Variants in VAPA observed in about 807,000 individuals in gnomAD.
The protein encoded by VAPA is vesicle-associated membrane protein-associated protein A.
A neutral mutation model predicts 25.6 loss-of-function variants in VAPA; 6 were observed. The ratio of observed to expected loss-of-function variants is 0.23; its 90% CI spans 0.13 to 0.46. The LOEUF (loss-of-function observed/expected upper bound fraction) is 0.46, where lower values mean the gene tolerates loss of function less well. Ranked by LOEUF, VAPA falls within the 20% of genes least tolerant of loss-of-function variation. The probability of loss-of-function intolerance (pLI) is 0.99; values close to 1 mark genes in which losing one functional copy is unlikely to be tolerated. For missense variants in VAPA, 244 were observed against 302.1 expected (o/e 0.81, Z 1.43); for synonymous variants, 112 against 106.2 (o/e 1.05, Z -0.34).
chr18:9,925,916 A>AC (rs1206677028), intron 1 of VAPA, among the ~76,000 whole-genome samples: 4 of 152,250 alleles, frequency 2.6e-5, no homozygotes, highest in South Asian at 4.1e-4. Flanking sequence ...GAAAATAAAT[A>AC]CCGTTTGGTT....
At chr18:9,954,004 T>C (rs1375871731) in intron 5 of VAPA, 49 bp from the exon 6 acceptor site, 6 of 1,606,688 alleles carry the variant, frequency 3.7e-6, no homozygotes, top group Non-Finnish European at 5.1e-6. Flanking sequence ...AGTAGTCTCG[T>C]TAGTATGCTT....
chr18:9,922,071 G>T (rs968501679), intron 1 of VAPA, among the ~76,000 whole-genome samples: 3 of 152,054 alleles, frequency 2.0e-5, no homozygotes, highest in Admixed American at 2.0e-4. Context: ...TTGAACTCCA[G>T]GGCCCAAGCG....
intron 4 of VAPA, among the ~76,000 whole-genome samples, chr18:9,943,065 T>G (rs2069383015): frequency 6.6e-6 from 1 of 152,198 alleles, no homozygotes. Flanking sequence ...GTTGATTTCT[T>G]TAGACTTTTT....
intron 1 of VAPA, among the ~76,000 whole-genome samples, chr18:9,926,277 A>C (rs151243586): frequency 6.6e-6 from 1 of 152,300 alleles, no homozygotes; most frequent in East Asian, 1.9e-4. Context: ...ACTGGGAAAC[A>C]GTTTAATCAG....
intron 5 of VAPA, chr18:9,951,054 T>G (rs1045003113): frequency 1.3e-5 from 2 of 152,370 alleles, no homozygotes; most frequent in Non-Finnish European, 2.9e-5. Context: ...TTGGGTATAT[T>G]GGGTTGAATC....
chr18:9,938,080 G>A (rs185804228), intron 4 of VAPA, among the ~76,000 whole-genome samples: 1 of 152,244 alleles, frequency 6.6e-6, no homozygotes, highest in East Asian at 1.9e-4. Flanking sequence ...GCCTGTGTAT[G>A]CTTCCCATTT....
At chr18:9,937,131 CT>C in intron 4 of VAPA, 65 bp downstream of exon 4, 2 of 1,403,440 alleles carry the variant, frequency 1.4e-6, no homozygotes, top group African/African-American at 1.4e-5. Context: ...ATTAATTTTG[CT>C]TTTATTTTTG....
intron 4 of VAPA, among the ~76,000 whole-genome samples, chr18:9,944,209 C>T (rs2069397892): frequency 6.6e-6 from 1 of 151,930 alleles, no homozygotes; most frequent in Non-Finnish European, 1.5e-5. Context: ...GACTGAGGGG[C>T]TGTAAAGAAC....
chr18:9,938,851 T>G (rs1419571815), intron 4 of VAPA, among the ~76,000 whole-genome samples: 1 of 152,216 alleles, frequency 6.6e-6, no homozygotes, highest in African/African-American at 2.4e-5. Context: ...TGTGAACTTA[T>G]GAGCAGCTTT....
At chr18:9,927,299 T>C (rs138988033) in intron 1 of VAPA, among the ~76,000 whole-genome samples, 5 of 152,210 alleles carry the variant, frequency 3.3e-5, no homozygotes, top group African/African-American at 1.2e-4. Flanking sequence ...TCTCAACTTC[T>C]TTGTCAAATT....
At chr18:9,916,289 C>CA (rs1278933910) in intron 1 of VAPA, among the ~76,000 whole-genome samples, 1 of 152,136 alleles carries the variant, frequency 6.6e-6, no homozygotes, top group Non-Finnish European at 1.5e-5. Flanking sequence ...TTATAGAACT[C>CA]ATTGTTTTTG....
At chr18:9,927,051 A>G (rs952934523) in intron 1 of VAPA, among the ~76,000 whole-genome samples, 61 of 152,122 alleles carry the variant, frequency 4.0e-4, no homozygotes, top group African/African-American at 1.4e-3. Context: ...GCTCTGTGTG[A>G]TATACTACTG....
rs140398150 is a variant in VAPA at position 9,942,463 on chromosome 18, C to T, written c.417+5397C>T. 9.5e-4 allele frequency among the ~76,000 whole-genome samples: 141 copies of T among 148,190 alleles called. 1 individual carries two copies. The East Asian group carries it at 0.015, about 16-fold the overall frequency. Reference sequence around the variant, plus strand: ...AGTGTGTTTTAACCCCACTCCCTCACTTCCCCAGCCCCCCCTTCCTGTATC... The same window carrying T: ...AGTGTGTTTTAACCCCACTCCCTCATTTCCCCAGCCCCCCCTTCCTGTATC... On this transcript the variant is annotated intron_variant, in intron 4 of 5. Transcript: ENST00000400000.
At chr18:9,944,959 T>C (rs29133) in intron 4 of VAPA, 96,512 of 1,613,916 alleles carry the variant, frequency 0.06, 3,576 homozygotes, top group African/African-American at 0.13. Context: ...CGACTGTCAC[T>C]TCAATGAGCA....
chr18:9,916,622 T>G (rs1030772021), intron 1 of VAPA, among the ~76,000 whole-genome samples: 1 of 152,226 alleles, frequency 6.6e-6, no homozygotes, highest in Non-Finnish European at 1.5e-5. Context: ...ATCGTTTTAG[T>G]CAAAGGTAAA....
intron 2 of VAPA, among the ~76,000 whole-genome samples, chr18:9,933,420 G>A (rs1372109440): frequency 1.3e-5 from 2 of 152,178 alleles, no homozygotes; most frequent in African/African-American, 4.8e-5. Flanking sequence ...TCTTTGCTAA[G>A]TCTAATTCAT....
chr18:9,931,677 G>C, intron 1 of VAPA, 133 bp from the exon 2 acceptor site: 1 of 650,936 alleles, frequency 1.5e-6, no homozygotes, highest in Non-Finnish European at 2.4e-6. Context: ...AGTGTTAGTA[G>C]CCATTTGGGA....
At chr18:9,935,351 C>T (rs2069298489) in intron 2 of VAPA, among the ~76,000 whole-genome samples, 1 of 152,122 alleles carries the variant, frequency 6.6e-6, no homozygotes, top group African/African-American at 2.4e-5. Context: ...GAGGGCGGAT[C>T]TCTTGAGCCC....
At chr18:9,951,420 G>C (rs980804220) in intron 5 of VAPA, 2 of 152,228 alleles carry the variant, frequency 1.3e-5, no homozygotes, top group African/African-American at 4.8e-5. Context: ...GCCTTCTACT[G>C]CTCTTACTTG....
Sources: gnomAD v4.1 joint callset for allele counts (sites outside exome capture counted in the v4.1 genomes callset) on GRCh38, gnomAD v4.1.1 for gene constraint, MANE v1.5 for transcripts, NCBI Gene and HGNC (gene_info 2026-07-23, HGNC 2026-07-21) for gene names.